Variants in DCC observed in about 807,000 individuals in gnomAD.
DCC encodes the protein DCC netrin 1 receptor, also known as netrin receptor DCC.
DCC carries 58 observed loss-of-function variants against 172.5 expected under a neutral mutation model. The ratio of observed to expected loss-of-function variants is 0.34; its 90% CI spans 0.27 to 0.42. DCC has a LOEUF of 0.42. DCC is among the 10% of genes least tolerant of loss of function. The pLI, the probability that DCC is intolerant of heterozygous loss-of-function variation, is 1.00. For synonymous variants in DCC, 709 were observed against 644.5 expected, an observed-to-expected ratio of 1.10 and a Z score of -1.52; for missense variants, 1,740 against 1,791.0, an observed-to-expected ratio of 0.97 and a Z score of 0.51.
intron 2 of DCC, among the ~76,000 whole-genome samples, chr18:52,803,919 ATAT>A (rs1427933941): frequency 2.7e-4 from 41 of 152,322 alleles, no homozygotes; most frequent in African/African-American, 9.6e-4. Context: ...TCATTTTTAC[ATAT>A]GTGATGACGT....
At position 52,752,191 on chromosome 18, in the gene DCC, G is replaced by C; in HGVS notation, c.229G>C (p.Asp77His). ...AGTTCCAGTGATCAAGTGGAAGAAA[G>C]ATGGCATTCATCTGGCCTTGGGAAT... is the stretch of plus-strand genomic sequence containing the variant. ...RGVPVIKWKK[D>H]GIHLALGMDE... The change falls in exon 2 of 29, where the codon GAT becomes CAT. Residue 77 changes from aspartate (D) to histidine (H), a missense_variant. Asp to His is a moderately conservative substitution (Grantham distance 81). This residue lies in a region of DCC where 1,732 missense variants were observed against 1,767.4 expected (regional missense o/e 0.98). Coordinates refer to ENST00000442544, the MANE Select transcript of DCC (RefSeq NM_005215.4). 2 of 1,614,154 alleles carry C rather than the reference G, an allele frequency of 1.2e-6. No homozygotes were observed. The highest frequency in any genetic ancestry group is 1.7e-6 in the Non-Finnish European group (2 of 1,180,036).
intron 1 of DCC, among the ~76,000 whole-genome samples, chr18:52,432,625 A>C (rs1001096816): frequency 6.6e-6 from 1 of 152,162 alleles, no homozygotes; most frequent in Non-Finnish European, 1.5e-5. Flanking sequence ...TTCATGTTGC[A>C]TTTGCATAAA....
intron 1 of DCC, among the ~76,000 whole-genome samples, chr18:52,362,000 A>T (rs576448806): frequency 6.6e-6 from 1 of 152,274 alleles, no homozygotes; most frequent in East Asian, 1.9e-4. Context: ...ACACATTCTC[A>T]TCCATACCTC....
intron 24 of DCC, among the ~76,000 whole-genome samples, chr18:53,465,144 T>G (rs2045605470): frequency 6.6e-6 from 1 of 152,090 alleles, no homozygotes; most frequent in Non-Finnish European, 1.5e-5. Flanking sequence ...GAAAGTCTGT[T>G]GTATTTAATT....
chr18:53,161,171 A>G (rs556288275), intron 8 of DCC, among the ~76,000 whole-genome samples: 3 of 152,252 alleles, frequency 2.0e-5, no homozygotes, highest in East Asian at 1.9e-4. Context: ...CTTCACTCCA[A>G]TGTCTTACAT....
intron 15 of DCC, among the ~76,000 whole-genome samples, chr18:53,374,264 A>G (rs1434037481): frequency 6.6e-6 from 1 of 152,242 alleles, no homozygotes. Flanking sequence ...AATAATACAG[A>G]AAACTTCATC....
Position 52,505,868 on chromosome 18 carries a change from C to T in DCC, c.91+164990C>T, listed in dbSNP as rs562851681. Among the ~76,000 whole-genome samples the T allele has an allele frequency of 6.6e-5, 10 of 152,120 alleles. No individual in the cohort carries two copies. The South Asian group carries it at 2.1e-3, about 32-fold the overall frequency. ...TGTTTTTTTCAAAGAAATTCTGAAA[C>T]AGCTGTAATATTTTTGAAATACTTG... On this transcript the variant is annotated intron_variant, in intron 1 of 28. Transcript: ENST00000442544.
chr18:53,304,512 T>A (rs2057177066), intron 12 of DCC, among the ~76,000 whole-genome samples: 1 of 152,200 alleles, frequency 6.6e-6, no homozygotes. Flanking sequence ...ATTTACTTAC[T>A]CTTGCCTACA....
chr18:53,000,585 CTT>C (rs71175543), intron 5 of DCC, among the ~76,000 whole-genome samples: 51,369 of 98,748 alleles, frequency 0.52, 13,608 homozygotes, highest in Non-Finnish European at 0.59. Flanking sequence ...AGCTTACATT[CTT>C]TTTTTTTTTT....
chr18:53,167,931 G>C (rs1228554649), intron 8 of DCC, among the ~76,000 whole-genome samples: 2 of 152,144 alleles, frequency 1.3e-5, no homozygotes, highest in Non-Finnish European at 2.9e-5. Flanking sequence ...AACAGAGTCA[G>C]AAGTGTGAGT....
intron 1 of DCC, among the ~76,000 whole-genome samples, chr18:52,427,189 A>C (rs913157304): frequency 1.2e-4 from 19 of 152,120 alleles, no homozygotes; most frequent in African/African-American, 3.9e-4. Flanking sequence ...TGTCATGAAG[A>C]TAAAACTGAA....
At chr18:53,179,151 G>T (rs1454447235) in intron 9 of DCC, 35 bp downstream of exon 9, 1 of 1,600,198 alleles carries the variant, frequency 6.2e-7, no homozygotes, top group African/African-American at 1.3e-5. Context: ...CATTTAAAAA[G>T]TATTTATTTT....
At chr18:53,525,389 A>C (rs1487786271) in intron 27 of DCC, among the ~76,000 whole-genome samples, 2 of 152,038 alleles carry the variant, frequency 1.3e-5, no homozygotes, top group Non-Finnish European at 2.9e-5. Flanking sequence ...ACAGAATATC[A>C]CCCTTTTATG....
rs150465866 is a variant in DCC, at chr18:52,365,899, A to G, written c.91+25021A>G. On this transcript the variant is annotated intron_variant, in intron 1 of 28. Coordinates refer to ENST00000442544, the MANE Select transcript of DCC (RefSeq NM_005215.4). ...TTCCAATAAAGCATTATTTATAAAA[A>G]TAGTCTGGACTTAACCTGCAGTCCA... 5.8e-3 allele frequency among the ~76,000 whole-genome samples: 878 copies of G among 152,338 alleles called. 2 individuals are homozygous for G. The highest frequency in any genetic ancestry group is 8.7e-3 in the Non-Finnish European group (591 of 68,046).
intron 27 of DCC, among the ~76,000 whole-genome samples, chr18:53,512,084 A>G (rs2046262840): frequency 6.6e-6 from 1 of 152,138 alleles, no homozygotes; most frequent in Non-Finnish European, 1.5e-5. Flanking sequence ...TGAAGAGAGC[A>G]GTGGTTCTCC....
chr18:52,528,612 T>C lies in DCC; in HGVS notation c.91+187734T>C, dbSNP rs539896179. On this transcript the variant is annotated intron_variant, in intron 1 of 28. Transcript: ENST00000442544. ...CAGCCCTGGTGACCTGATTATCACA[T>C]TACCCCTCAAGAGCAGGGCTGATCC... Among the ~76,000 whole-genome samples the C allele has an allele frequency of 1.3e-3, 203 of 152,122 alleles. 5 individuals are homozygous for C. The highest frequency in any genetic ancestry group is 1.6e-3 in the East Asian group (8 of 5,136).
chr18:53,185,879 C>T (rs935841545), intron 9 of DCC, among the ~76,000 whole-genome samples: 7 of 152,164 alleles, frequency 4.6e-5, no homozygotes, highest in Non-Finnish European at 1.5e-5. Flanking sequence ...AAATAATAGA[C>T]ATGATTTTTT....
intron 7 of DCC, among the ~76,000 whole-genome samples, chr18:53,086,004 C>CTTATTATTATTATTATTATTATTATTAT: frequency 4.0e-5 from 1 of 25,118 alleles, no homozygotes; most frequent in Non-Finnish European, 6.9e-5. Context: ...TCTCCTTCTT[C>CTTATTATTATTATTATTATTATTATTAT]TCCTTCTCCT....
chr18:53,377,831 C>CTG (rs1907418526), intron 15 of DCC, among the ~76,000 whole-genome samples: 1 of 152,202 alleles, frequency 6.6e-6, no homozygotes. Flanking sequence ...CCACAATGAA[C>CTG]TGTGCCCTTG....
Sources: gnomAD v4.1 joint callset for allele counts (sites outside exome capture counted in the v4.1 genomes callset) on GRCh38, gnomAD v4.1.1 for gene constraint, gnomAD v4.1.1 regional missense constraint, MANE v1.5 for transcripts, NCBI Gene and HGNC (gene_info 2026-07-23, HGNC 2026-07-21) for gene names.